The following SUGCT variants were observed in gnomAD, a reference collection of about 807,000 sequenced individuals.
The protein encoded by SUGCT is succinyl-CoA:glutarate-CoA transferase.
In SUGCT, 41 loss-of-function variants were observed where a neutral mutation model predicts 55.0. That is an observed-to-expected ratio of 0.74 (90% CI 0.58 to 0.97). The LOEUF (loss-of-function observed/expected upper bound fraction) is 0.97. SUGCT is among the 50% of genes least tolerant of loss of function. The pLI, the probability that SUGCT is intolerant of heterozygous loss-of-function variation, is 0.00. For missense variants in SUGCT, 568 were observed against 547.8 expected (o/e 1.04, Z -0.37); for synonymous variants, 187 against 200.4 (o/e 0.93, Z 0.56).
intron 12 of SUGCT, among the ~76,000 whole-genome samples, chr7:40,560,320 T>A (rs994746437): frequency 6.6e-6 from 1 of 152,204 alleles, no homozygotes; most frequent in African/African-American, 2.4e-5. Context: ...CATACATGTT[T>A]TCCCTCTACT....
intron 7 of SUGCT, among the ~76,000 whole-genome samples, chr7:40,247,217 G>A (rs1424325855): frequency 2.6e-5 from 4 of 152,130 alleles, no homozygotes; most frequent in Non-Finnish European, 5.9e-5. Context: ...TAGTAGCAGT[G>A]TTTGAGAGTT....
chr7:40,774,359 T>C (rs1200371770), intron 13 of SUGCT, among the ~76,000 whole-genome samples: 1 of 152,160 alleles, frequency 6.6e-6, no homozygotes, highest in Non-Finnish European at 1.5e-5. Flanking sequence ...ACATAAATGC[T>C]CTCTTTTATG....
chr7:40,535,944 G>T (rs1477770097), intron 12 of SUGCT, among the ~76,000 whole-genome samples: 1 of 152,100 alleles, frequency 6.6e-6, no homozygotes, highest in Non-Finnish European at 1.5e-5. Flanking sequence ...TTTTTCTTAT[G>T]TTTGTTGGCC....
the SUGCT span, among the ~76,000 whole-genome samples, chr7:40,949,073 A>T: frequency 5.9e-5 from 9 of 152,234 alleles, no homozygotes; most frequent in African/African-American, 2.2e-4. Flanking sequence ...TCCCACCAAC[A>T]GTGTAAAAGC....
At chr7:40,174,252 A>G (rs1369227105) in intron 1 of SUGCT, among the ~76,000 whole-genome samples, 1 of 151,832 alleles carries the variant, frequency 6.6e-6, no homozygotes, top group Non-Finnish European at 1.5e-5. Context: ...TGAACTCCTG[A>G]CCTCAGGTGA....
intron 13 of SUGCT, among the ~76,000 whole-genome samples, chr7:40,776,723 G>A (rs945606071): frequency 6.6e-6 from 1 of 152,166 alleles, no homozygotes; most frequent in Admixed American, 6.5e-5. Context: ...CACATTAAAG[G>A]TGTGAGCTAA....
chr7:40,879,957 A>G, the SUGCT span, among the ~76,000 whole-genome samples: 1 of 152,214 alleles, frequency 6.6e-6, no homozygotes, highest in East Asian at 1.9e-4. Context: ...GCAAGTCATG[A>G]GGCCCAGTCA....
chr7:40,849,874 A>G (rs1793763481), intron 13 of SUGCT, among the ~76,000 whole-genome samples: 1 of 152,074 alleles, frequency 6.6e-6, no homozygotes, highest in Admixed American at 6.5e-5. Context: ...CATTCCTTTC[A>G]GGGTGGGTGG....
chr7:40,798,289 A>C (rs1201064315), intron 13 of SUGCT, among the ~76,000 whole-genome samples: 1 of 152,208 alleles, frequency 6.6e-6, no homozygotes, highest in African/African-American at 2.4e-5. Context: ...TTGTTGAATA[A>C]ATGATTGTGC....
At chr7:40,832,682 T>TA (rs1255703487) in intron 13 of SUGCT, among the ~76,000 whole-genome samples, 2 of 151,284 alleles carry the variant, frequency 1.3e-5, no homozygotes, top group African/African-American at 4.9e-5. Flanking sequence ...TCCTACTTTT[T>TA]TTTTTTTTTT....
At chr7:40,685,817 C>T (rs1562945569) in intron 12 of SUGCT, among the ~76,000 whole-genome samples, 1 of 152,086 alleles carries the variant, frequency 6.6e-6, no homozygotes. Context: ...GTGGGAAGAT[C>T]CCTTGAGGTC....
chr7:40,536,080 G>A (rs1794346656), intron 12 of SUGCT, among the ~76,000 whole-genome samples: 2 of 152,092 alleles, frequency 1.3e-5, no homozygotes, highest in Non-Finnish European at 2.9e-5. Flanking sequence ...GACCTTTGTC[G>A]AATGCATGGT....
At chr7:40,296,181 G>A (rs1308213336) in intron 8 of SUGCT, among the ~76,000 whole-genome samples, 1 of 152,202 alleles carries the variant, frequency 6.6e-6, no homozygotes, top group Non-Finnish European at 1.5e-5. Context: ...TAAATGTAAG[G>A]TAATTTTGTG....
At chr7:40,334,078 G>T (rs1337314176) in intron 9 of SUGCT, among the ~76,000 whole-genome samples, 1 of 152,030 alleles carries the variant, frequency 6.6e-6, no homozygotes, top group Non-Finnish European at 1.5e-5. Context: ...CAAAGGACAT[G>T]AACTCATCCT....
intron 8 of SUGCT, among the ~76,000 whole-genome samples, chr7:40,291,040 C>T (rs926777787): frequency 1.3e-5 from 2 of 152,086 alleles, no homozygotes; most frequent in Admixed American, 6.5e-5. Context: ...AATAGGAACA[C>T]TTTTACACTG....
chr7:41,033,480 C>T, the SUGCT span, among the ~76,000 whole-genome samples: 1 of 152,154 alleles, frequency 6.6e-6, no homozygotes, highest in African/African-American at 2.4e-5. Flanking sequence ...GTTAACTCAT[C>T]CCCAGCTGAG....
chr7:40,569,637 T>C (rs1796333910), intron 12 of SUGCT, among the ~76,000 whole-genome samples: 1 of 152,084 alleles, frequency 6.6e-6, no homozygotes, highest in East Asian at 1.9e-4. Flanking sequence ...TGACAGATCA[T>C]TGAGAAAATA....
At chr7:40,945,056 G>A in the SUGCT span, among the ~76,000 whole-genome samples, 1 of 152,068 alleles carries the variant, frequency 6.6e-6, no homozygotes, top group Non-Finnish European at 1.5e-5. Context: ...TGTTTACTGG[G>A]TTGCATAGTT....
intron 11 of SUGCT, among the ~76,000 whole-genome samples, chr7:40,465,840 G>T (rs1032149868): frequency 6.6e-6 from 1 of 151,860 alleles, no homozygotes; most frequent in Non-Finnish European, 1.5e-5. Flanking sequence ...CACTGCCCTG[G>T]CTAGGTCTTT....
Sources: allele counts gnomAD v4.1 joint callset (sites outside exome capture counted in the v4.1 genomes callset), GRCh38; gene constraint gnomAD v4.1.1; transcripts MANE v1.5; gene names NCBI Gene and HGNC (gene_info 2026-07-23, HGNC 2026-07-21).